Variants in SYTL4 observed in about 807,000 individuals in gnomAD.
SYTL4 encodes the protein synaptotagmin like 4.
Under a neutral mutation model 52.7 loss-of-function variants are expected in SYTL4, and 16 were observed. The ratio of observed to expected loss-of-function variants is 0.30; its 90% CI spans 0.21 to 0.46. SYTL4 has a LOEUF of 0.46. Among genes scored for constraint, SYTL4 ranks in the 20% least tolerant of loss-of-function variants. SYTL4 has a pLI of 1.00. For synonymous variants in SYTL4, 160 were observed against 186.6 expected (o/e 0.86, Z 1.16); for missense variants, 423 against 519.9 (o/e 0.81, Z 1.81).
intron 2 of SYTL4, among the ~76,000 whole-genome samples, chrX:100,728,953 C>T (rs2084582158): frequency 1.8e-5 from 2 of 109,351 alleles, no homozygotes; most frequent in South Asian, 8.1e-4. Context: ...AGGAGAATGG[C>T]ATGAACCCAG....
chrX:100,681,331 C>G lies in SYTL4; in HGVS notation c.1454G>C (p.Ser485Thr), dbSNP rs749418535. The G allele has an allele frequency of 5.8e-6, 7 of 1,200,825 alleles. No individual in the cohort carries two copies. In the African/African-American group the frequency reaches 1.2e-4, roughly 21 times the overall value. The part of the protein sequence containing the change: ...DHCLPLHGKI[S>T]AESPTGLPSH... ...TGGCAAGCCAGTCGGGGACTCAGCACTGATCTGAAACACAGGGAAACCCAA... is the reference window on the plus strand; with the variant it reads ...TGGCAAGCCAGTCGGGGACTCAGCAGTGATCTGAAACACAGGGAAACCCAA... Residue 485 changes from serine to threonine, a missense_variant, in exon 17 of 20, where the codon AGT becomes ACT. Ser to Thr is a moderately conservative substitution (Grantham distance 58, BLOSUM62 1). Coordinates refer to ENST00000372989, the MANE Select transcript of SYTL4 (RefSeq NM_001370165.1).
intron 8 of SYTL4, among the ~76,000 whole-genome samples, chrX:100,700,423 T>G (rs5921632): frequency 0.3 from 33,544 of 111,110 alleles, 4,019 homozygotes; most frequent in East Asian, 0.54. Flanking sequence ...TAAATTCAAG[T>G]AAAATTAAAT....
intron 2 of SYTL4, among the ~76,000 whole-genome samples, chrX:100,715,390 G>C (rs1371339987): frequency 9.0e-6 from 1 of 111,539 alleles, no homozygotes; most frequent in Non-Finnish European, 1.9e-5. Flanking sequence ...CTTATTTTAG[G>C]AGTGATAAAA....
At position 100,687,584 on chromosome X, in the gene SYTL4, T is replaced by C. The variant is rs185580442; in HGVS notation, c.1006-339A>G. 4.0e-5 allele frequency: 8 copies of C among 200,545 alleles called. No homozygotes were observed. The East Asian group carries it at 7.3e-4, about 18-fold the overall frequency. 16.5% of individuals were successfully genotyped at this position (200,545 alleles called of 1,213,427 possible). Reference sequence around the variant, plus strand: ...AAGTCCATCTGGGGAATGTGTTATATACACTAAAACACCAGCTAGAAGGGG... The same window carrying C: ...AAGTCCATCTGGGGAATGTGTTATACACACTAAAACACCAGCTAGAAGGGG... On this transcript the variant is annotated intron_variant, in intron 13 of 19. Coordinates refer to ENST00000372989, the MANE Select transcript of SYTL4 (RefSeq NM_001370165.1).
At chrX:100,713,139 C>T (rs1412099657) in intron 2 of SYTL4, among the ~76,000 whole-genome samples, 1 of 112,104 alleles carries the variant, frequency 8.9e-6, no homozygotes, top group African/African-American at 3.2e-5. Flanking sequence ...TGGTATTTAT[C>T]CAAGAAAAGC....
At chrX:100,707,020 T>TTC (rs2083969942) in intron 2 of SYTL4, among the ~76,000 whole-genome samples, 1 of 111,490 alleles carries the variant, frequency 9.0e-6, no homozygotes, top group African/African-American at 3.3e-5. Flanking sequence ...TAACATATAC[T>TTC]TCTTTGTTGT....
intron 8 of SYTL4, among the ~76,000 whole-genome samples, chrX:100,694,795 C>G (rs1402635686): frequency 9.0e-6 from 1 of 111,393 alleles, no homozygotes; most frequent in Non-Finnish European, 1.9e-5. Flanking sequence ...AATGAGGTAA[C>G]CAAAATCTAT....
intron 18 of SYTL4, 40 bp from the exon 19 acceptor site, chrX:100,678,639 C>T (rs1243185817): frequency 2.2e-5 from 24 of 1,095,541 alleles, no homozygotes; most frequent in South Asian, 1.1e-4. Context: ...CTACTCAAAG[C>T]GGACAGTTAT....
intron 2 of SYTL4, among the ~76,000 whole-genome samples, chrX:100,730,809 A>C (rs1454401393): frequency 9.0e-6 from 1 of 110,680 alleles, no homozygotes; most frequent in Non-Finnish European, 1.9e-5. Context: ...AAAACCAAAC[A>C]ACCAAAAACG....
intron 18 of SYTL4, chrX:100,678,803 G>C (rs1253015120): frequency 4.8e-6 from 2 of 414,382 alleles, no homozygotes; most frequent in South Asian, 4.2e-5. Flanking sequence ...CTTTAACCTA[G>C]AGAGAAAATG....
intron 2 of SYTL4, among the ~76,000 whole-genome samples, chrX:100,722,706 A>T (rs60221475): frequency 0.02 from 2,189 of 110,732 alleles, 57 homozygotes; most frequent in African/African-American, 0.069. Flanking sequence ...CTCAATCTCA[A>T]CTCCTTCCTT....
Position 100,715,079 on chromosome X carries a change from G to A in SYTL4, c.-239-10193C>T, listed in dbSNP as rs139661873. 6.1e-3 allele frequency among the ~76,000 whole-genome samples: 686 copies of A among 111,779 alleles called. 7 individuals carry two copies. Among genetic ancestry groups the A allele is most frequent in the African/African-American group, 0.021 (632 of 30,761 alleles). On this transcript the variant is annotated intron_variant, in intron 2 of 19. Coordinates refer to ENST00000372989, the MANE Select transcript of SYTL4 (RefSeq NM_001370165.1). ...TCTGTCACCCAAGCTGGAGTGCAGC[G>A]GCACAATCGTAGCTCAGTGTAGCCT...
At chrX:100,698,037 T>C in intron 8 of SYTL4, among the ~76,000 whole-genome samples, 1 of 112,131 alleles carries the variant, frequency 8.9e-6, no homozygotes, top group Non-Finnish European at 1.9e-5. Context: ...ATATATCACA[T>C]ATAGGGAAAA....
intron 2 of SYTL4, among the ~76,000 whole-genome samples, chrX:100,719,880 T>A (rs1394217443): frequency 8.9e-6 from 1 of 111,824 alleles, no homozygotes; most frequent in Non-Finnish European, 1.9e-5. Context: ...CTAAAACAAG[T>A]CCCAGAAGGA....
At chrX:100,722,041 A>C (rs1397207535) in intron 2 of SYTL4, among the ~76,000 whole-genome samples, 1 of 110,840 alleles carries the variant, frequency 9.0e-6, no homozygotes, top group Non-Finnish European at 1.9e-5. Flanking sequence ...ACCTCAGGTG[A>C]TCCACCCGCC....
chrX:100,675,958 T>C lies in SYTL4; in HGVS notation c.*70A>G. ...CACATACACATTAAATTATAAATCT[T>C]TGCTCTTGATTTCTTCACTTCCTCT... On this transcript the variant is annotated 3_prime_UTR_variant, in exon 20 of 20. Coordinates refer to ENST00000372989, the MANE Select transcript of SYTL4 (RefSeq NM_001370165.1). The C allele has an allele frequency of 9.4e-7, 1 of 1,061,505 alleles. No homozygotes were observed. Among genetic ancestry groups the C allele is most frequent in the Non-Finnish European group, 1.3e-6 (1 of 789,913 alleles). The allele number at this position is 1,061,505 out of a possible 1,213,427, so 87.5% of individuals were successfully genotyped here.
At chrX:100,729,837 T>C (rs1190910500) in intron 2 of SYTL4, among the ~76,000 whole-genome samples, 1 of 110,260 alleles carries the variant, frequency 9.1e-6, no homozygotes, top group Non-Finnish European at 1.9e-5. Context: ...TCTTGAGGGA[T>C]GGATAGGAAT....
At chrX:100,703,813 T>G (rs2027828) in intron 3 of SYTL4, among the ~76,000 whole-genome samples, 28,573 of 110,821 alleles carry the variant, frequency 0.26, 3,385 homozygotes, top group East Asian at 0.53. Context: ...TGGCCATGAG[T>G]GAAAAAGTAG....
chrX:100,697,349 C>T (rs5921629), intron 8 of SYTL4, among the ~76,000 whole-genome samples: 56,719 of 111,070 alleles, frequency 0.51, 12,166 homozygotes, highest in African/African-American at 0.82. Context: ...AACTAAAGTA[C>T]AGCTGGGAAT....
Sources: allele counts gnomAD v4.1 joint callset (sites outside exome capture counted in the v4.1 genomes callset), GRCh38; gene constraint gnomAD v4.1.1; transcripts MANE v1.5; gene names NCBI Gene and HGNC (gene_info 2026-07-23, HGNC 2026-07-21).